DGKG: variants seen among roughly 807,000 people sequenced by gnomAD.
DGKG encodes DAG kinase gamma.
In DGKG, 78 loss-of-function variants were observed where a neutral mutation model predicts 105.3. The ratio of observed to expected loss-of-function variants is 0.74; its 90% CI spans 0.62 to 0.89. DGKG has a LOEUF of 0.89. DGKG is among the 40% of genes least tolerant of loss of function. The pLI is 0.00. For synonymous variants in DGKG, 346 were observed against 367.1 expected (o/e 0.94, Z 0.66); for missense variants, 958 against 1,020.1 (o/e 0.94, Z 0.83).
chr3:186,177,429 G>T (rs1717135506), intron 22 of DGKG, among the ~76,000 whole-genome samples: 1 of 152,134 alleles, frequency 6.6e-6, no homozygotes, highest in African/African-American at 2.4e-5. Flanking sequence ...AACATTTGTT[G>T]ATCACCTACT....
chr3:186,332,585 G>C (rs1191944567), intron 1 of DGKG, among the ~76,000 whole-genome samples: 1 of 152,148 alleles, frequency 6.6e-6, no homozygotes, highest in East Asian at 1.9e-4. Flanking sequence ...TGGAATTAGA[G>C]ACCAGAATTC....
intron 14 of DGKG, among the ~76,000 whole-genome samples, chr3:186,263,532 A>G (rs566513646): frequency 6.6e-6 from 1 of 152,258 alleles, no homozygotes; most frequent in East Asian, 1.9e-4. Context: ...GCACCATTGC[A>G]CTCCAGCCTG....
At chr3:186,263,491 C>T (rs541502027) in intron 14 of DGKG, among the ~76,000 whole-genome samples, 123 of 151,386 alleles carry the variant, frequency 8.1e-4, no homozygotes, top group African/African-American at 1.6e-3. Flanking sequence ...CGCTTGAACC[C>T]GGGAGGCAAA....
Position 186,272,811 on chromosome 3 carries a change from C to G in DGKG, c.911-468G>C, listed in dbSNP as rs1036047136. On this transcript the variant is annotated intron_variant, in intron 10 of 24. Transcript: ENST00000265022. Reference sequence around the variant, plus strand: ...TCGGCTCACTGCAACCTCCGCCTCCCGGGTTCAAGCGATTCTCCTGCCTCA... The same window carrying G: ...TCGGCTCACTGCAACCTCCGCCTCCGGGGTTCAAGCGATTCTCCTGCCTCA... 2.0e-5 allele frequency among the ~76,000 whole-genome samples: 3 copies of G among 151,108 alleles called. No homozygotes were observed. The East Asian group carries it at 5.8e-4, about 29-fold the overall frequency.
intron 22 of DGKG, among the ~76,000 whole-genome samples, chr3:186,179,017 G>GT (rs1412099104): frequency 6.6e-6 from 1 of 152,196 alleles, no homozygotes; most frequent in African/African-American, 2.4e-5. Context: ...AAACTTCAGC[G>GT]TATGTGCGAT....
intron 19 of DGKG, among the ~76,000 whole-genome samples, chr3:186,249,833 A>G (rs1211622002): frequency 2.4e-5 from 3 of 123,158 alleles, no homozygotes; most frequent in Admixed American, 2.2e-4. Context: ...ACTCGTCTCA[A>G]AAACAAAACA....
At chr3:186,304,176 CTCA>C (rs1171441231) in intron 3 of DGKG, among the ~76,000 whole-genome samples, 1 of 152,268 alleles carries the variant, frequency 6.6e-6, no homozygotes, top group African/African-American at 2.4e-5. Context: ...TCCTCTCCCA[CTCA>C]TCAGCCCCAG....
At chr3:186,350,327 G>A (rs1726568001) in intron 1 of DGKG, among the ~76,000 whole-genome samples, 1 of 152,164 alleles carries the variant, frequency 6.6e-6, no homozygotes, top group Non-Finnish European at 1.5e-5. Context: ...TACCTCATAT[G>A]AGTGGAATGT....
chr3:186,288,735 C>T lies in DGKG; in HGVS notation c.519G>A (p.Thr173=), dbSNP rs751638855. 2.0e-5 allele frequency: 33 copies of T among 1,614,036 alleles called. No individual in the cohort carries two copies. The highest frequency in any genetic ancestry group is 4.5e-5 in the East Asian group (2 of 44,890). The change falls in exon 6 of 25, where the codon ACG becomes ACA. Residue 173 remains threonine (T), a synonymous_variant. Transcript: ENST00000265022. ...DVVCYLSLLE[T]GRPQDKLEFM... ...ACTCCAGCTTATCCTGAGGCCTCCCCGTCTCCAGCAGGGACAGGTAGCACA... is the reference window on the plus strand; with the variant it reads ...ACTCCAGCTTATCCTGAGGCCTCCCTGTCTCCAGCAGGGACAGGTAGCACA...
In DGKG at chr3:186,251,798, G is replaced by A. The variant is rs1721241472; in HGVS notation, c.1722C>T (p.Val574=). The change falls in exon 19 of 25, where the codon GTC becomes GTT. Residue 574 remains valine (V), a synonymous_variant. Coordinates refer to ENST00000265022, the MANE Select transcript of DGKG (RefSeq NM_001346.3). ...PREEVENGDQ[V]PYSIMNNYFS... ...AATAGTTGTTCATGATGCTGTATGG[G>A]ACCTGGTCCCCGTTTTCCACTTCCT... 6.2e-7 allele frequency: 1 copy of A among 1,614,096 alleles called. No individual in the cohort carries two copies. The highest frequency in any genetic ancestry group is 8.5e-7 in the Non-Finnish European group (1 of 1,179,978).
intron 2 of DGKG, among the ~76,000 whole-genome samples, chr3:186,319,793 G>T (rs1444431022): frequency 2.0e-5 from 3 of 152,194 alleles, no homozygotes; most frequent in Non-Finnish European, 4.4e-5. Flanking sequence ...CACTGAATTG[G>T]TTCTGGGGCA....
chr3:186,313,987 C>T (rs1724684645), intron 2 of DGKG, among the ~76,000 whole-genome samples: 1 of 152,088 alleles, frequency 6.6e-6, no homozygotes, highest in South Asian at 2.1e-4. Context: ...CATATCAGCC[C>T]TAAATATGTT....
intron 1 of DGKG, among the ~76,000 whole-genome samples, chr3:186,329,594 G>A (rs1247829277): frequency 2.0e-5 from 3 of 152,194 alleles, no homozygotes; most frequent in African/African-American, 2.4e-5. Flanking sequence ...AAGCCATAAT[G>A]AGTACATGTT....
chr3:186,228,639 A>G (rs1719975878), intron 20 of DGKG, among the ~76,000 whole-genome samples: 1 of 151,968 alleles, frequency 6.6e-6, no homozygotes, highest in Admixed American at 6.6e-5. Context: ...GTCCTCTCAC[A>G]CTTCAGCCCT....
At chr3:186,172,267 A>C (rs1716860079) in intron 22 of DGKG, among the ~76,000 whole-genome samples, 1 of 152,200 alleles carries the variant, frequency 6.6e-6, no homozygotes, top group Non-Finnish European at 1.5e-5. Flanking sequence ...GGATATCCTT[A>C]GCTTAAGAGG....
At chr3:186,352,764 A>G (rs1726695088) in intron 1 of DGKG, among the ~76,000 whole-genome samples, 1 of 151,494 alleles carries the variant, frequency 6.6e-6, no homozygotes, top group Admixed American at 6.6e-5. Flanking sequence ...TCTCCCTGGA[A>G]CTCCCTCAAA....
At chr3:186,169,495 G>GT (rs371998278) in intron 22 of DGKG, among the ~76,000 whole-genome samples, 15 of 152,236 alleles carry the variant, frequency 9.9e-5, no homozygotes, top group African/African-American at 3.6e-4. Flanking sequence ...ACATTCCCTG[G>GT]TTTGATGCCC....
At chr3:186,246,838 C>T (rs142284913) in intron 19 of DGKG, among the ~76,000 whole-genome samples, 117 of 152,302 alleles carry the variant, frequency 7.7e-4, no homozygotes, top group African/African-American at 2.7e-3. Flanking sequence ...GTCAGTGCAA[C>T]CACTGTGGCC....
intron 4 of DGKG, 35 bp downstream of exon 4, chr3:186,298,029 C>G: frequency 6.3e-7 from 1 of 1,579,860 alleles, no homozygotes; most frequent in South Asian, 1.2e-5. Flanking sequence ...GAGAGCTGCG[C>G]AAGGTCTTCC....
Sources: gnomAD v4.1 joint callset for allele counts (sites outside exome capture counted in the v4.1 genomes callset) on GRCh38, gnomAD v4.1.1 for gene constraint, MANE v1.5 for transcripts, NCBI Gene and HGNC (gene_info 2026-07-23, HGNC 2026-07-21) for gene names.